MUC4: variants seen among roughly 807,000 people sequenced by gnomAD.
The protein encoded by MUC4 is mucin-4.
In MUC4, 202 loss-of-function variants were observed where a neutral mutation model predicts 257.9. The ratio of observed to expected loss-of-function variants is 0.78; its 90% CI spans 0.70 to 0.88. The LOEUF (loss-of-function observed/expected upper bound fraction) is 0.88. Among genes scored for constraint, MUC4 ranks in the 40% least tolerant of loss-of-function variants. The pLI, the probability that MUC4 is intolerant of heterozygous loss-of-function variation, is 0.00. For missense variants in MUC4, 5,976 were observed against 6,513.7 expected, an observed-to-expected ratio of 0.92 and a Z score of 2.84; for synonymous variants, 2,351 against 2,757.1, an observed-to-expected ratio of 0.85 and a Z score of 4.62.
chr3:195,788,231 G>C lies in MUC4; in HGVS notation c.3349C>G (p.His1117Asp), dbSNP rs199995135. ...TCGGTGACAGGAAGAGGGGTGGTGT[G>C]ACCTGTGGATACTGAGGAAGTGTCG... Reference protein sequence around the residue: ...VTDTSSVSTGHTTPLPVTDTS... With the variant: ...VTDTSSVSTGDTTPLPVTDTS... Residue 1117 changes from histidine to aspartate, a missense_variant, in exon 2 of 25, where the codon CAC becomes GAC. Physicochemically the swap from His to Asp is moderately conservative, Grantham distance 81. This residue lies in a region of MUC4 where 11 missense variants were observed against 41.1 expected (regional missense o/e 0.27). Coordinates refer to ENST00000463781, the MANE Select transcript of MUC4 (RefSeq NM_018406.7). The C allele has an allele frequency of 2.2e-5, 32 of 1,430,910 alleles. No homozygotes were observed. The African/African-American group carries it at 2.6e-4, about 11-fold the overall frequency. 88.6% of individuals were successfully genotyped at this position (1,430,910 alleles called of 1,614,324 possible). A position where few individuals can be genotyped will look rare whatever the true frequency, so the allele number is the denominator to read the frequency against.
At chr3:195,794,359 T>C (rs1197151791) in intron 1 of MUC4, among the ~76,000 whole-genome samples, 3 of 133,158 alleles carry the variant, frequency 2.3e-5, no homozygotes, top group Non-Finnish European at 1.6e-5. Context: ...TTTTTCTTTT[T>C]AAACATATAT....
In MUC4 at chr3:195,788,894, C is replaced by T. The variant is rs1296443094; in HGVS notation, c.2686G>A (p.Ala896Thr). ...ATGGCGGCTGTCTCCTGAGGAGAGG[C>T]ACTGGGAGAAGTTGGGCTTGACTGT... ...TGQSSPTSPS[A>T]SPQETAAISR... Residue 896 changes from alanine (A) to threonine (T), a missense_variant, in exon 2 of 25, where the codon GCC (alanine) becomes ACC (threonine). This residue lies in a region of MUC4 where 1,583 missense variants were observed against 1,257.4 expected (regional missense o/e 1.26). Transcript: ENST00000463781. 5.6e-6 allele frequency: 9 copies of T among 1,613,518 alleles called. No homozygotes were observed. Among genetic ancestry groups the T allele is most frequent in the Non-Finnish European group, 6.8e-6 (8 of 1,179,772 alleles).
In MUC4 at chr3:195,779,681, T is replaced by G. The variant is rs961883192; in HGVS notation, c.11899A>C (p.Thr3967Pro). ...GAACGGCTGGTGACAGGAAGAGAGG[T>G]GGCGTGACCTGTGGATACTGAGGAA... ...DTSSVSTGHA[T>P]SLPVTSRSSA... Residue 3967 changes from threonine to proline, a missense_variant, in exon 2 of 25, where the codon ACC (threonine) becomes CCC (proline). By Grantham distance (38) the Thr-to-Pro change is conservative. Coordinates refer to ENST00000463781, the MANE Select transcript of MUC4 (RefSeq NM_018406.7). 1.7e-6 allele frequency: 2 copies of G among 1,209,540 alleles called. No homozygotes were observed. The highest frequency in any genetic ancestry group is 3.1e-4 in the Middle Eastern group (1 of 3,254). The allele number at this position is 1,209,540 out of a possible 1,614,324, so 74.9% of individuals were successfully genotyped here.
rs1362986319 is a variant in MUC4, at chr3:195,762,197, G to A, written c.14402C>T (p.Ser4801Leu). ...VLLSRNGSEV[S>L]ASFDGWATVS... The stretch of plus-strand genomic sequence containing the variant: ...GGTGGCCCAGCCGTCGAAGCTGGCC[G>A]AGACCTCAGAGCCGTTGCGGCTCAG... Residue 4801 changes from serine (S) to leucine (L), a missense_variant, in exon 14 of 25, where the codon TCG becomes TTG. Physicochemically the swap from Ser to Leu is moderately radical, Grantham distance 145 (BLOSUM62 -2). Transcript: ENST00000463781. 6 of 1,599,586 alleles carry A rather than the reference G, an allele frequency of 3.8e-6. No homozygotes were observed. Among genetic ancestry groups the A allele is most frequent in the African/African-American group, 1.3e-5 (1 of 74,712 alleles).
rs1736541059 is a variant in MUC4, at chr3:195,810,322, C to T, written c.82+1414G>A. 2.0e-5 allele frequency: 3 copies of T among 152,274 alleles called. No homozygotes were observed. Among genetic ancestry groups the T allele is most frequent in the Admixed American group, 1.3e-4 (2 of 15,288 alleles). 9.4% of individuals were successfully genotyped at this position (152,274 alleles called of 1,614,324 possible). ...GAAATATTTTCCCTCGGCGACTGTTCTTAGCCTGCTGAGAGGCAGGGCAGG... is the reference window on the plus strand; with the variant it reads ...GAAATATTTTCCCTCGGCGACTGTTTTTAGCCTGCTGAGAGGCAGGGCAGG... On this transcript the variant is annotated intron_variant, in intron 1 of 24. Coordinates refer to ENST00000463781, the MANE Select transcript of MUC4 (RefSeq NM_018406.7). This position sits in a 1 kb window ranked among gnomAD's most constrained non-coding sequence, Gnocchi z 4.2.
chr3:195,767,718 C>CCACCAT (rs1210748166), intron 7 of MUC4, among the ~76,000 whole-genome samples: 25 of 864 alleles, frequency 0.029, 1 homozygote, highest in African/African-American at 0.073. Flanking sequence ...CCATCGGCCA[C>CCACCAT]CACCACCATC....
Position 195,762,069 on chromosome 3 carries a change from G to A in MUC4, c.14512+18C>T. 6.4e-7 allele frequency: 1 copy of A among 1,573,380 alleles called. No individual in the cohort carries two copies. ...CTGGCTCCGCGGAGCCTCAGAGGCAGGTCCGAGCCGCCCTCACCCAGGAGC... is the reference window on the plus strand; with the variant it reads ...CTGGCTCCGCGGAGCCTCAGAGGCAAGTCCGAGCCGCCCTCACCCAGGAGC... On this transcript the variant is annotated intron_variant, in intron 14 of 24. Transcript: ENST00000463781.
intron 2 of MUC4, 150 bp downstream of exon 2, chr3:195,778,640 C>A: frequency 8.1e-7 from 1 of 1,228,094 alleles, no homozygotes; most frequent in South Asian, 1.5e-5. Context: ...GTGAGCCTGT[C>A]ACCCACCACA....
chr3:195,770,948 C>T (rs1441447183), intron 5 of MUC4: 2 of 446,894 alleles, frequency 4.5e-6, no homozygotes, highest in Non-Finnish European at 9.1e-6. Context: ...TAGGTCTTCT[C>T]GTGGCCGGGT....
In MUC4 at chr3:195,747,055, T is replaced by G. The variant is rs1715168667; in HGVS notation, c.*121A>C. The G allele has an allele frequency of 4.5e-6, 6 of 1,342,196 alleles. No homozygotes were observed. Among genetic ancestry groups the G allele is most frequent in the Middle Eastern group, 1.8e-4 (1 of 5,420 alleles). The allele number at this position is 1,342,196 out of a possible 1,614,324, so 83.1% of individuals were successfully genotyped here. A position where few individuals can be genotyped will look rare whatever the true frequency, so the allele number is the denominator to read the frequency against. On this transcript the variant is annotated 3_prime_UTR_variant, in exon 25 of 25. Coordinates refer to ENST00000463781, the MANE Select transcript of MUC4 (RefSeq NM_018406.7). The stretch of plus-strand genomic sequence containing the variant: ...TCTTGATTCCCAGTATTCATTCTCC[T>G]TGAAGAATCCTGACAGCCTTCAGTC...
rs757086260 is a variant in MUC4 at position 195,764,147 on chromosome 3, G to A, written c.13942C>T (p.Gln4648Ter). The A allele has an allele frequency of 3.8e-6, 6 of 1,574,770 alleles. 1 individual carries two copies. The East Asian group carries it at 7.0e-5, about 18-fold the overall frequency. ...TCATTCCAGCGGCAGCACCAGCTCT[G>A]TGGCTCCAGTTCCTGGGCTGCGGAG... ...PWQLAQELEP[Q>*]SWCCRWNDKP... The change falls in exon 11 of 25, where the codon CAG (glutamine) becomes TAG (stop). Residue 4648 changes from glutamine (Q) to a stop codon, truncating the protein, a stop_gained. Coordinates refer to ENST00000463781, the MANE Select transcript of MUC4 (RefSeq NM_018406.7). LOFTEE classifies it high-confidence loss of function.
At chr3:195,800,605 G>C (rs1403162990) in intron 1 of MUC4, among the ~76,000 whole-genome samples, 1 of 152,152 alleles carries the variant, frequency 6.6e-6, no homozygotes, top group Admixed American at 6.6e-5. Context: ...TTATTCAGCT[G>C]TTTAGGAAAA....
intron 2 of MUC4, 57 bp downstream of exon 2, chr3:195,778,733 C>T: frequency 6.6e-7 from 1 of 1,513,536 alleles, no homozygotes; most frequent in East Asian, 2.4e-5. Flanking sequence ...ACTCCTTAGG[C>T]TGAATTCCGC....
At chr3:195,776,280 C>CCATACCTTCCACAGT (rs1560286243) in intron 3 of MUC4, among the ~76,000 whole-genome samples, 16 of 81,342 alleles carry the variant, frequency 2.0e-4, no homozygotes, top group African/African-American at 1.1e-3. Context: ...CCTTCCACAC[C>CCATACCTTCCACAGT]CATACCTTCC....
chr3:195,759,871 A>C (rs1718412158), intron 16 of MUC4, among the ~76,000 whole-genome samples: 1 of 107,882 alleles, frequency 9.3e-6, no homozygotes, highest in Non-Finnish European at 2.1e-5. Flanking sequence ...ACGAGCCGAG[A>C]TCACGTCACT....
rs2148782976 is a variant in MUC4, at chr3:195,757,661, A to T, written c.14987-333T>A. Among the ~76,000 whole-genome samples, 1 of 152,148 alleles carries T rather than the reference A, an allele frequency of 6.6e-6. No individual in the cohort carries two copies. The highest frequency in any genetic ancestry group is 2.1e-4 in the South Asian group (1 of 4,812). On this transcript the variant is annotated intron_variant, in intron 17 of 24. Coordinates refer to ENST00000463781, the MANE Select transcript of MUC4 (RefSeq NM_018406.7). This position sits in a 1 kb window ranked among gnomAD's most constrained non-coding sequence, Gnocchi z 4.8. Reference sequence around the variant, plus strand: ...TGGGGGATGGAGGATCAAGGCCAGGATCCTCCAGACACCTCCCCAGGCTGC... The same window carrying T: ...TGGGGGATGGAGGATCAAGGCCAGGTTCCTCCAGACACCTCCCCAGGCTGC...
chr3:195,778,818 C>G lies in MUC4; in HGVS notation c.12762G>C (p.Ser4254=), dbSNP rs550434908. The change falls in exon 2 of 25, where the codon TCG becomes TCC. Residue 4254 remains serine, a synonymous_variant. Transcript: ENST00000463781. The part of the protein sequence containing the change: ...SSATSASTVS[S]DSPLKMETPG... ...GTGTTTCCATCTTCAGAGGGGAGTCCGAGGATACTGTGGAAGCTGAGGTAG... is the reference window on the plus strand; with the variant it reads ...GTGTTTCCATCTTCAGAGGGGAGTCGGAGGATACTGTGGAAGCTGAGGTAG... 4 of 1,611,898 alleles carry G rather than the reference C, an allele frequency of 2.5e-6. No homozygotes were observed. The East Asian group carries it at 8.9e-5, about 36-fold the overall frequency.
intron 4 of MUC4, among the ~76,000 whole-genome samples, chr3:195,773,901 G>A (rs1217819558): frequency 2.6e-5 from 4 of 152,260 alleles, no homozygotes; most frequent in Admixed American, 1.3e-4. Flanking sequence ...CCCAGAAGGT[G>A]GAAACGGCAG....
intron 1 of MUC4, among the ~76,000 whole-genome samples, chr3:195,794,068 C>A (rs1359471629): frequency 6.7e-6 from 1 of 149,170 alleles, no homozygotes; most frequent in Non-Finnish European, 1.5e-5. Context: ...GATAGCGAGA[C>A]CCTGTGTCTT....
Sources: allele counts gnomAD v4.1 joint callset (sites outside exome capture counted in the v4.1 genomes callset), GRCh38; gene constraint gnomAD v4.1.1; regional missense constraint gnomAD v4.1.1; non-coding constraint Gnocchi (gnomAD v3.1); transcripts MANE v1.5; gene names NCBI Gene and HGNC (gene_info 2026-07-23, HGNC 2026-07-21).